The following MALRD1 variants were observed in gnomAD, a reference collection of about 807,000 sequenced individuals.
MALRD1 encodes the protein MAM and LDL receptor class A domain containing 1.
A neutral mutation model predicts 242.1 loss-of-function variants in MALRD1; 247 were observed. The ratio of observed to expected loss-of-function variants is 1.02; its 90% CI spans 0.92 to 1.13. The LOEUF (loss-of-function observed/expected upper bound fraction) is 1.13, where lower values mean the gene tolerates loss of function less well. Ranked by LOEUF, MALRD1 falls within the 50% of genes most tolerant of loss-of-function variation. MALRD1 has a pLI of 0.00. For missense variants in MALRD1, 2,989 were observed against 2,533.1 expected, an observed-to-expected ratio of 1.18 and a Z score of -3.86; for synonymous variants, 995 against 866.6, an observed-to-expected ratio of 1.15 and a Z score of -2.60.
At chr10:19,603,018 C>T (rs373164151) in intron 34 of MALRD1, among the ~76,000 whole-genome samples, 47 of 152,194 alleles carry the variant, frequency 3.1e-4, no homozygotes, top group African/African-American at 1.0e-3. Flanking sequence ...CCATTCATAT[C>T]CTTTGCCCAC....
At chr10:19,381,650 A>T (rs1348221453) in intron 26 of MALRD1, among the ~76,000 whole-genome samples, 2 of 150,626 alleles carry the variant, frequency 1.3e-5, no homozygotes, top group African/African-American at 4.9e-5. Context: ...CTACATGGTG[A>T]AACTCTTTCT....
chr10:19,432,237 C>T (rs114506246), intron 28 of MALRD1, among the ~76,000 whole-genome samples: 213 of 152,134 alleles, frequency 1.4e-3, no homozygotes, highest in Middle Eastern at 0.01. Context: ...TTTTGTGTTA[C>T]GTAAGATTGA....
intron 29 of MALRD1, among the ~76,000 whole-genome samples, chr10:19,474,895 A>C (rs1195763010): frequency 6.6e-6 from 1 of 152,200 alleles, no homozygotes; most frequent in South Asian, 2.1e-4. Context: ...AGGAAAAAAA[A>C]CCTAGAAAAA....
At chr10:19,182,801 GC>G (rs1835568263) in intron 14 of MALRD1, among the ~76,000 whole-genome samples, 1 of 152,126 alleles carries the variant, frequency 6.6e-6, no homozygotes, top group African/African-American at 2.4e-5. Context: ...GAGAAACGAT[GC>G]CCTTAGTCTC....
intron 28 of MALRD1, among the ~76,000 whole-genome samples, chr10:19,420,043 A>G (rs1241914900): frequency 6.6e-6 from 1 of 152,214 alleles, no homozygotes; most frequent in Non-Finnish European, 1.5e-5. Flanking sequence ...GCAAGGCAAG[A>G]TACTTCTATA....
At chr10:19,716,823 G>A (rs1165095732) in intron 38 of MALRD1, 1 of 152,112 alleles carries the variant, frequency 6.6e-6, no homozygotes, top group African/African-American at 2.4e-5. Context: ...GTACCATCAT[G>A]CATGTTACAT....
intron 14 of MALRD1, among the ~76,000 whole-genome samples, chr10:19,198,830 T>C (rs1169617189): frequency 6.6e-6 from 1 of 152,232 alleles, no homozygotes; most frequent in Non-Finnish European, 1.5e-5. Flanking sequence ...AAAATAATTT[T>C]ATGGTACTTT....
chr10:19,623,417 A>G (rs965304680), intron 36 of MALRD1, among the ~76,000 whole-genome samples: 3 of 152,144 alleles, frequency 2.0e-5, no homozygotes, highest in African/African-American at 7.2e-5. Flanking sequence ...CCAATAGGAT[A>G]TGTATAGATA....
Position 19,618,047 on chromosome 10 carries a change from T to C in MALRD1, c.6137+2124T>C, listed in dbSNP as rs189144890. 1.3e-3 allele frequency among the ~76,000 whole-genome samples: 191 copies of C among 152,224 alleles called. 1 individual carries two copies. In the Middle Eastern group the frequency reaches 0.024, roughly 19 times the overall value. ...TTTGTGCATCCATGTGTTCTCATCA[T>C]TTAGCTCACACTTATAAGTGAGAAC... On this transcript the variant is annotated intron_variant, in intron 36 of 39. Transcript: ENST00000454679.
chr10:19,056,059 T>A (rs1003216885), intron 1 of MALRD1, among the ~76,000 whole-genome samples: 12 of 152,170 alleles, frequency 7.9e-5, no homozygotes, highest in African/African-American at 2.9e-4. Context: ...TATGTGTCTG[T>A]TTTTGCTGGT....
intron 13 of MALRD1, among the ~76,000 whole-genome samples, chr10:19,171,128 GA>G (rs1178143884): frequency 6.6e-6 from 1 of 151,666 alleles, no homozygotes; most frequent in Non-Finnish European, 1.5e-5. Flanking sequence ...GAACATTTAT[GA>G]ATTTTTGTGG....
intron 35 of MALRD1, among the ~76,000 whole-genome samples, chr10:19,612,627 A>T (rs939743383): frequency 1.3e-5 from 2 of 151,944 alleles, no homozygotes; most frequent in Admixed American, 1.3e-4. Context: ...TTTAAAAAAA[A>T]AATAGGTTTC....
At chr10:19,167,193 A>C (rs1008681113) in intron 13 of MALRD1, among the ~76,000 whole-genome samples, 1 of 152,004 alleles carries the variant, frequency 6.6e-6, no homozygotes, top group South Asian at 2.1e-4. Flanking sequence ...CCCCACCTCT[A>C]CAAAAAATAC....
chr10:19,594,991 TA>T (rs1838006589), intron 33 of MALRD1, among the ~76,000 whole-genome samples: 1 of 152,148 alleles, frequency 6.6e-6, no homozygotes, highest in Non-Finnish European at 1.5e-5. Flanking sequence ...GAAATTAAAA[TA>T]ATTTTTTATG....
intron 28 of MALRD1, among the ~76,000 whole-genome samples, chr10:19,404,739 T>C (rs993038736): frequency 6.6e-6 from 1 of 152,142 alleles, no homozygotes; most frequent in Non-Finnish European, 1.5e-5. Flanking sequence ...TAAAATTCTG[T>C]TTCTGAAATA....
intron 33 of MALRD1, among the ~76,000 whole-genome samples, chr10:19,585,323 A>G (rs1346151663): frequency 6.6e-6 from 1 of 151,338 alleles, no homozygotes; most frequent in Non-Finnish European, 1.5e-5. Flanking sequence ...TCTAGTCTCG[A>G]TGGTCTTTAC....
At chr10:19,099,307 A>G (rs137994099) in intron 4 of MALRD1, among the ~76,000 whole-genome samples, 325 of 152,242 alleles carry the variant, frequency 2.1e-3, no homozygotes, top group Non-Finnish European at 3.5e-3. Context: ...TACCCTCACT[A>G]TCTGCCTAAA....
At chr10:19,642,523 C>G (rs527364789) in intron 36 of MALRD1, among the ~76,000 whole-genome samples, 7 of 152,144 alleles carry the variant, frequency 4.6e-5, no homozygotes, top group African/African-American at 1.7e-4. Context: ...ACAAAACAAG[C>G]TAGAATGTAT....
At chr10:19,058,226 C>G (rs754842452) in intron 1 of MALRD1, among the ~76,000 whole-genome samples, 22 of 152,308 alleles carry the variant, frequency 1.4e-4, no homozygotes, top group Admixed American at 3.9e-4. Flanking sequence ...AATTCACAAA[C>G]AATTCTGTCT....
Sources: allele counts gnomAD v4.1 joint callset (sites outside exome capture counted in the v4.1 genomes callset), GRCh38; gene constraint gnomAD v4.1.1; transcripts MANE v1.5; gene names NCBI Gene and HGNC (gene_info 2026-07-23, HGNC 2026-07-21).